KIAA1217: variants seen among roughly 807,000 people sequenced by gnomAD.
The protein encoded by KIAA1217 is sickle tail protein homolog.
KIAA1217 carries 88 observed loss-of-function variants against 163.9 expected under a neutral mutation model. That is an observed-to-expected ratio of 0.54 (90% CI 0.45 to 0.64). The LOEUF is 0.64. Ranked by LOEUF, KIAA1217 falls within the 30% of genes least tolerant of loss-of-function variation. KIAA1217 has a pLI of 0.00. For synonymous variants in KIAA1217, 903 were observed against 923.1 expected, an observed-to-expected ratio of 0.98 and a Z score of 0.39; for missense variants, 2,372 against 2,475.0, an observed-to-expected ratio of 0.96 and a Z score of 0.88.
At chr10:23,870,611 A>C (rs1028453327) in intron 1 of KIAA1217, among the ~76,000 whole-genome samples, 5 of 152,120 alleles carry the variant, frequency 3.3e-5, no homozygotes, top group African/African-American at 1.2e-4. Flanking sequence ...CAGGGAGGCA[A>C]GTTTTACGTA....
At chr10:23,995,572 C>T (rs1283182260) in intron 1 of KIAA1217, among the ~76,000 whole-genome samples, 2 of 151,846 alleles carry the variant, frequency 1.3e-5, no homozygotes, top group Non-Finnish European at 2.9e-5. Context: ...CTTGAGTTTT[C>T]ATTATTTCCT....
At chr10:24,199,193 C>CT (rs1437137659) in intron 2 of KIAA1217, among the ~76,000 whole-genome samples, 2 of 152,168 alleles carry the variant, frequency 1.3e-5, no homozygotes, top group Non-Finnish European at 2.9e-5. Flanking sequence ...GATTGCACCA[C>CT]TGCACCCCAG....
chr10:23,853,678 G>A (rs1290024410), intron 1 of KIAA1217, among the ~76,000 whole-genome samples: 10 of 152,102 alleles, frequency 6.6e-5, no homozygotes, highest in Non-Finnish European at 1.3e-4. Flanking sequence ...ATTGATTATT[G>A]CCACAATTTC....
chr10:24,249,839 G>T lies in KIAA1217; in HGVS notation c.354+29930G>T, dbSNP rs182072673. ...GAGTGGAGATTTGAACCCAGCTATTGTGACTCAAGCAAGCCTAGGGCATGT... is the reference window on the plus strand; with the variant it reads ...GAGTGGAGATTTGAACCCAGCTATTTTGACTCAAGCAAGCCTAGGGCATGT... On this transcript the variant is annotated intron_variant, in intron 2 of 20. Coordinates refer to ENST00000376454, the MANE Select transcript of KIAA1217 (RefSeq NM_019590.5). 6.6e-5 allele frequency among the ~76,000 whole-genome samples: 10 copies of T among 152,284 alleles called. No homozygotes were observed. In the East Asian group the frequency reaches 1.9e-3, roughly 29 times the overall value.
At chr10:23,818,501 T>G (rs1837472161) in intron 1 of KIAA1217, among the ~76,000 whole-genome samples, 1 of 151,818 alleles carries the variant, frequency 6.6e-6, no homozygotes, top group East Asian at 1.9e-4. Flanking sequence ...GATTCCCTGT[T>G]GGTAGTAGCC....
intron 2 of KIAA1217, among the ~76,000 whole-genome samples, chr10:24,188,193 G>A (rs566361307): frequency 6.6e-6 from 1 of 152,106 alleles, no homozygotes; most frequent in Admixed American, 6.6e-5. Context: ...CAAAAAAAAA[G>A]AAAGAAAAGA....
At chr10:24,134,275 A>C (rs1205125472) in intron 2 of KIAA1217, among the ~76,000 whole-genome samples, 1 of 152,202 alleles carries the variant, frequency 6.6e-6, no homozygotes, top group Non-Finnish European at 1.5e-5. Flanking sequence ...CAGAGCAAAC[A>C]TAAAAAGGTA....
chr10:23,714,857 A>T (rs1837473973), intron 1 of KIAA1217, among the ~76,000 whole-genome samples: 1 of 152,094 alleles, frequency 6.6e-6, no homozygotes, highest in African/African-American at 2.4e-5. Context: ...AGACAGGTAG[A>T]TCTCCTCACC....
intron 6 of KIAA1217, chr10:24,482,055 C>T (rs1043335011): frequency 5.3e-5 from 8 of 152,218 alleles, no homozygotes; most frequent in African/African-American, 1.9e-4. Context: ...CTAGTTATTC[C>T]TTAGACTCCT....
At chr10:23,863,226 A>G (rs1840036695) in intron 1 of KIAA1217, among the ~76,000 whole-genome samples, 1 of 152,178 alleles carries the variant, frequency 6.6e-6, no homozygotes, top group Non-Finnish European at 1.5e-5. Flanking sequence ...CACTCAATGC[A>G]TATTAACGAT....
At chr10:24,482,211 A>G (rs1461173284) in intron 6 of KIAA1217, 2 of 152,244 alleles carry the variant, frequency 1.3e-5, no homozygotes, top group African/African-American at 2.4e-5. Context: ...AAACAAATCA[A>G]TATCTCAAAA....
intron 2 of KIAA1217, among the ~76,000 whole-genome samples, chr10:24,034,433 C>T (rs1020530301): frequency 2.6e-5 from 4 of 152,020 alleles, no homozygotes; most frequent in African/African-American, 7.2e-5. Context: ...CATGGTGGCA[C>T]ATGCCTGTGG....
intron 2 of KIAA1217, among the ~76,000 whole-genome samples, chr10:24,360,965 G>A (rs977686039): frequency 6.6e-6 from 1 of 151,420 alleles, no homozygotes. Flanking sequence ...CTACATCTCG[G>A]GAGTTTTTAA....
chr10:24,069,244 A>C (rs1441084218), intron 2 of KIAA1217, among the ~76,000 whole-genome samples: 1 of 152,204 alleles, frequency 6.6e-6, no homozygotes, highest in Non-Finnish European at 1.5e-5. Context: ...TTTAGGTAGC[A>C]CCGTAGAGGT....
chr10:23,718,122 G>A (rs781170288), intron 1 of KIAA1217, among the ~76,000 whole-genome samples: 46 of 152,144 alleles, frequency 3.0e-4, no homozygotes, highest in Non-Finnish European at 5.1e-4. Flanking sequence ...AAGTTATTGC[G>A]GTTTTTGCCA....
At chr10:24,431,891 G>A (rs1277749118) in intron 3 of KIAA1217, among the ~76,000 whole-genome samples, 1 of 152,004 alleles carries the variant, frequency 6.6e-6, no homozygotes, top group Non-Finnish European at 1.5e-5. Context: ...AAACATTGAG[G>A]TGCCAGATTC....
At chr10:23,899,930 TCTTCCCTCC>T (rs1258499143) in intron 1 of KIAA1217, among the ~76,000 whole-genome samples, 1 of 151,920 alleles carries the variant, frequency 6.6e-6, no homozygotes, top group Non-Finnish European at 1.5e-5. Flanking sequence ...TTTCTTTCCT[TCTTCCCTCC>T]CTTCCTCTCT....
At chr10:23,880,959 T>A (rs1339367983) in intron 1 of KIAA1217, among the ~76,000 whole-genome samples, 2 of 151,878 alleles carry the variant, frequency 1.3e-5, no homozygotes, top group African/African-American at 4.8e-5. Context: ...AACAGGTGAA[T>A]ACAATGTAGG....
intron 5 of KIAA1217, among the ~76,000 whole-genome samples, chr10:24,472,958 C>G (rs540897389): frequency 7.2e-5 from 11 of 152,278 alleles, no homozygotes; most frequent in African/African-American, 1.4e-4. Flanking sequence ...CAGCATAGAT[C>G]TCCCCTGGAG....
Sources: gnomAD v4.1 joint callset for allele counts (sites outside exome capture counted in the v4.1 genomes callset) on GRCh38, gnomAD v4.1.1 for gene constraint, MANE v1.5 for transcripts, NCBI Gene and HGNC (gene_info 2026-07-23, HGNC 2026-07-21) for gene names.